Variants in FSHR observed in about 807,000 individuals in gnomAD.
FSHR encodes follicle-stimulating hormone receptor.
FSHR carries 46 observed loss-of-function variants against 52.1 expected under a neutral mutation model. That is an observed-to-expected ratio of 0.88 (90% confidence interval 0.70 to 1.13). FSHR has a LOEUF of 1.13. FSHR is among the 50% of genes most tolerant of loss of function. FSHR has a pLI of 0.00. For missense variants in FSHR, 964 were observed against 834.6 expected, an observed-to-expected ratio of 1.16 and a Z score of -1.91; for synonymous variants, 399 against 309.6, an observed-to-expected ratio of 1.29 and a Z score of -3.03.
intron 2 of FSHR, among the ~76,000 whole-genome samples, chr2:49,045,460 A>G (rs914798974): frequency 1.3e-5 from 2 of 152,252 alleles, no homozygotes; most frequent in South Asian, 2.1e-4. Context: ...AACTAAAAGA[A>G]AAATCCTCTC....
chr2:49,021,886 T>TAGAGAG lies in FSHR; in HGVS notation c.225-1732_225-1727dup, dbSNP rs58926557. ...CTCTATATATATATATATATATATA[T>TAGAGAG]AGAGAGAGAGAGAGAGAGAGAGAGA... On this transcript the variant is annotated intron_variant, in intron 2 of 9. Coordinates refer to ENST00000406846, the MANE Select transcript of FSHR (RefSeq NM_000145.4). 8.7e-3 allele frequency among the ~76,000 whole-genome samples: 217 copies of TAGAGAG among 24,994 alleles called. 6 individuals are homozygous for TAGAGAG. Among genetic ancestry groups the TAGAGAG allele is most frequent in the Non-Finnish European group, 9.6e-3 (131 of 13,582 alleles). The allele number at this position is 24,994 out of a possible 152,430, so 16.4% of individuals were successfully genotyped here.
chr2:49,037,222 A>G (rs140486391), intron 2 of FSHR, among the ~76,000 whole-genome samples: 5 of 152,250 alleles, frequency 3.3e-5, no homozygotes, highest in African/African-American at 9.6e-5. Flanking sequence ...CCAATGACAC[A>G]TGATTATGTT....
intron 4 of FSHR, among the ~76,000 whole-genome samples, chr2:49,000,223 G>A (rs573650965): frequency 7.9e-5 from 12 of 152,084 alleles, no homozygotes; most frequent in African/African-American, 2.9e-4. Flanking sequence ...CTACGCTAGG[G>A]TTGTAAATGA....
chr2:49,153,537 A>G (rs1469896032), intron 1 of FSHR, among the ~76,000 whole-genome samples: 1 of 152,176 alleles, frequency 6.6e-6, no homozygotes, highest in Non-Finnish European at 1.5e-5. Flanking sequence ...TTTACTCTTC[A>G]GACACCAGAT....
At chr2:48,989,077 A>G in intron 5 of FSHR, 23 bp from the exon 6 acceptor site, 1 of 1,589,996 alleles carries the variant, frequency 6.3e-7, no homozygotes, top group Non-Finnish European at 8.6e-7. Flanking sequence ...ACAGACAAAT[A>G]AGATACTTAC....
chr2:49,139,982 A>G (rs1395485329), intron 1 of FSHR, among the ~76,000 whole-genome samples: 1 of 152,098 alleles, frequency 6.6e-6, no homozygotes, highest in East Asian at 1.9e-4. Context: ...TAATGGTGGT[A>G]TTGTGACAAG....
chr2:49,044,571 T>C (rs1055502276), intron 2 of FSHR, among the ~76,000 whole-genome samples: 1 of 152,194 alleles, frequency 6.6e-6, no homozygotes, highest in South Asian at 2.1e-4. Context: ...CTAGGTTTCC[T>C]GTGGGCTCCA....
intron 1 of FSHR, among the ~76,000 whole-genome samples, chr2:49,146,736 C>T (rs943110916): frequency 6.6e-6 from 1 of 152,054 alleles, no homozygotes; most frequent in South Asian, 2.1e-4. Flanking sequence ...AACATCTCAG[C>T]GTCATTTTAC....
chr2:49,038,699 A>G (rs906388735), intron 2 of FSHR, among the ~76,000 whole-genome samples: 1 of 150,448 alleles, frequency 6.6e-6, no homozygotes, highest in African/African-American at 2.4e-5. Context: ...TAAACACAAG[A>G]TACAACTAAA....
At chr2:49,029,277 A>G (rs1558399770) in intron 2 of FSHR, among the ~76,000 whole-genome samples, 1 of 152,204 alleles carries the variant, frequency 6.6e-6, no homozygotes, top group East Asian at 1.9e-4. Context: ...TTATTGAATT[A>G]CGGGCCCTTG....
chr2:49,154,153 C>G, intron 1 of FSHR, 113 bp downstream of exon 1: 1 of 1,196,932 alleles, frequency 8.4e-7, no homozygotes, highest in Non-Finnish European at 1.2e-6. Context: ...GGACTTCGGT[C>G]AAGGGGCAGA....
chr2:49,054,676 C>T (rs1668990732), intron 2 of FSHR, among the ~76,000 whole-genome samples: 2 of 152,240 alleles, frequency 1.3e-5, no homozygotes, highest in Non-Finnish European at 2.9e-5. Context: ...TACCTGTGAC[C>T]TGACAGACAG....
chr2:49,024,715 G>A (rs1471103931), intron 2 of FSHR, among the ~76,000 whole-genome samples: 1 of 152,046 alleles, frequency 6.6e-6, no homozygotes, highest in East Asian at 1.9e-4. Context: ...TCTTCACAGA[G>A]CATTTTTCTC....
At chr2:49,108,936 A>G (rs1167072311) in intron 1 of FSHR, among the ~76,000 whole-genome samples, 1 of 152,168 alleles carries the variant, frequency 6.6e-6, no homozygotes, top group East Asian at 1.9e-4. Context: ...GACAGTTAGG[A>G]CCAAAATCCT....
chr2:49,012,739 C>T (rs781505600), intron 4 of FSHR, among the ~76,000 whole-genome samples: 17 of 152,084 alleles, frequency 1.1e-4, no homozygotes, highest in Non-Finnish European at 1.9e-4. Flanking sequence ...ATCCATTTTG[C>T]GTTTTTTCTC....
chr2:48,987,125 C>T (rs1247486432), intron 6 of FSHR, among the ~76,000 whole-genome samples: 1 of 152,112 alleles, frequency 6.6e-6, no homozygotes, highest in Non-Finnish European at 1.5e-5. Context: ...GTTTGTTTCA[C>T]AATCCAGCAG....
In FSHR at chr2:49,027,962, A is replaced by T. The variant is rs543664443; in HGVS notation, c.225-7802T>A. Among the ~76,000 whole-genome samples, 7 of 152,218 alleles carry T rather than the reference A, an allele frequency of 4.6e-5. No individual in the cohort carries two copies. The South Asian group carries it at 1.5e-3, about 32-fold the overall frequency. On this transcript the variant is annotated intron_variant, in intron 2 of 9. Coordinates refer to ENST00000406846, the MANE Select transcript of FSHR (RefSeq NM_000145.4). The stretch of plus-strand genomic sequence containing the variant: ...TAGTCAATTTCTTTCTTAAGCAGGA[A>T]TTTACTGAGTTCCTAGTGATGAAAG...
At chr2:49,032,643 GT>G (rs1404891075) in intron 2 of FSHR, among the ~76,000 whole-genome samples, 1 of 152,204 alleles carries the variant, frequency 6.6e-6, no homozygotes, top group Non-Finnish European at 1.5e-5. Context: ...CACAAAAGCT[GT>G]TATTTTGTTT....
At chr2:49,033,699 G>A (rs1668182933) in intron 2 of FSHR, among the ~76,000 whole-genome samples, 1 of 151,988 alleles carries the variant, frequency 6.6e-6, no homozygotes, top group Admixed American at 6.6e-5. Flanking sequence ...CCTCCCCCCT[G>A]TTCCCTATAC....
Sources: allele counts gnomAD v4.1 joint callset (sites outside exome capture counted in the v4.1 genomes callset), GRCh38; gene constraint gnomAD v4.1.1; transcripts MANE v1.5; gene names NCBI Gene and HGNC (gene_info 2026-07-23, HGNC 2026-07-21).